The following CMSS1 variants were observed in gnomAD, a reference collection of about 807,000 sequenced individuals.
CMSS1 encodes cms1 ribosomal small subunit homolog, also known as protein CMSS1.
CMSS1 carries 33 observed loss-of-function variants against 43.5 expected under a neutral mutation model. That is an observed-to-expected ratio of 0.76 (90% CI 0.57 to 1.01). CMSS1 has a LOEUF of 1.01. Ranked by LOEUF, CMSS1 falls within the 50% of genes least tolerant of loss-of-function variation. The pLI, the probability that CMSS1 is intolerant of heterozygous loss-of-function variation, is 0.00. For synonymous variants in CMSS1, 115 were observed against 117.2 expected, an observed-to-expected ratio of 0.98 and a Z score of 0.12; for missense variants, 313 against 326.4, an observed-to-expected ratio of 0.96 and a Z score of 0.32.
intron 1 of CMSS1, among the ~76,000 whole-genome samples, chr3:100,068,949 G>A (rs1336930049): frequency 6.6e-6 from 1 of 152,184 alleles, no homozygotes; most frequent in African/African-American, 2.4e-5. Flanking sequence ...CCAGCAGGTG[G>A]CACTGTGAAA....
chr3:99,990,368 C>G (rs1002717127), intron 1 of CMSS1, among the ~76,000 whole-genome samples: 3 of 152,206 alleles, frequency 2.0e-5, no homozygotes, highest in African/African-American at 7.2e-5. Context: ...CGTTCAATCT[C>G]TCTATTCACA....
At chr3:100,131,909 T>C (rs923098759) in intron 1 of CMSS1, among the ~76,000 whole-genome samples, 2 of 152,216 alleles carry the variant, frequency 1.3e-5, no homozygotes, top group Admixed American at 1.3e-4. Context: ...AGCCCCACAT[T>C]ATACTCAACA....
chr3:99,972,254 A>G (rs1708844196), intron 1 of CMSS1, among the ~76,000 whole-genome samples: 1 of 152,206 alleles, frequency 6.6e-6, no homozygotes, highest in South Asian at 2.1e-4. Flanking sequence ...TTAGGTTGAA[A>G]TAAACTTGAC....
At chr3:99,930,109 G>T in intron 1 of CMSS1, 1 of 1,187,242 alleles carries the variant, frequency 8.4e-7, no homozygotes, top group Non-Finnish European at 1.2e-6. Context: ...ATAGTTGGCA[G>T]TGCTTTTTCT....
chr3:99,968,241 G>A (rs943562078), intron 1 of CMSS1, among the ~76,000 whole-genome samples: 2 of 152,124 alleles, frequency 1.3e-5, no homozygotes, highest in African/African-American at 4.8e-5. Flanking sequence ...ATGTTCATAC[G>A]CCCTCAGTGT....
chr3:100,021,958 T>TGAGAGAGAGA (rs1466622023), intron 1 of CMSS1, among the ~76,000 whole-genome samples: 2 of 94,880 alleles, frequency 2.1e-5, no homozygotes, highest in Non-Finnish European at 4.6e-5. Flanking sequence ...TGTGTGTGTG[T>TGAGAGAGAGA]GTGAGAGAGA....
In CMSS1 at chr3:100,123,263, G is replaced by A. The variant is rs573465793; in HGVS notation, c.65-23710G>A. 1.9e-4 allele frequency among the ~76,000 whole-genome samples: 29 copies of A among 152,288 alleles called. 2 individuals are homozygous for A. In the South Asian group the frequency reaches 5.2e-3, roughly 27 times the overall value. On this transcript the variant is annotated intron_variant, in intron 1 of 9. Transcript: ENST00000421999. ...ATGTGAAGGAGCTAGAGGAGGAAGC[G>A]TTCAGGTCTGAGAACAATAGGTGTG...
At chr3:99,963,766 C>T (rs750442952) in intron 1 of CMSS1, among the ~76,000 whole-genome samples, 8 of 151,960 alleles carry the variant, frequency 5.3e-5, no homozygotes, top group South Asian at 2.1e-4. Flanking sequence ...TACAGGCACA[C>T]GCCACCATGC....
intron 1 of CMSS1, among the ~76,000 whole-genome samples, chr3:99,947,652 A>G (rs1056059809): frequency 2.0e-5 from 3 of 152,352 alleles, no homozygotes; most frequent in South Asian, 2.1e-4. Flanking sequence ...ATCGCAACTC[A>G]TAATCATTAT....
intron 1 of CMSS1, chr3:99,876,125 C>T: frequency 1.0e-6 from 1 of 986,362 alleles, no homozygotes; most frequent in Non-Finnish European, 1.2e-6. Flanking sequence ...CGCTGTAGTG[C>T]CGCGCTGCGA....
At chr3:99,853,987 T>C (rs968894350) in intron 1 of CMSS1, among the ~76,000 whole-genome samples, 1 of 152,192 alleles carries the variant, frequency 6.6e-6, no homozygotes, top group African/African-American at 2.4e-5. Flanking sequence ...TGTTACACAT[T>C]GTGTGGTTGT....
chr3:99,879,400 C>T (rs1351474323), intron 1 of CMSS1, among the ~76,000 whole-genome samples: 2 of 152,196 alleles, frequency 1.3e-5, no homozygotes, highest in African/African-American at 4.8e-5. Context: ...AAGTCAGTTG[C>T]TACTGACCAT....
At chr3:99,858,837 G>C (rs530003170) in intron 1 of CMSS1, among the ~76,000 whole-genome samples, 4 of 152,218 alleles carry the variant, frequency 2.6e-5, no homozygotes, top group African/African-American at 9.6e-5. Flanking sequence ...TGAAACATCA[G>C]TGGCAAATTT....
chr3:99,984,404 G>T (rs1709270651), intron 1 of CMSS1, among the ~76,000 whole-genome samples: 1 of 152,156 alleles, frequency 6.6e-6, no homozygotes, highest in Non-Finnish European at 1.5e-5. Flanking sequence ...GCAGAAACAG[G>T]AGGCACCAGT....
At chr3:100,043,077 C>A (rs2065230751) in intron 1 of CMSS1, among the ~76,000 whole-genome samples, 1 of 152,180 alleles carries the variant, frequency 6.6e-6, no homozygotes, top group Non-Finnish European at 1.5e-5. Flanking sequence ...AGTGACAGAC[C>A]CCCTGAGCAG....
intron 1 of CMSS1, among the ~76,000 whole-genome samples, chr3:99,888,491 C>CAAACA (rs559726137): frequency 7.2e-5 from 11 of 152,116 alleles, no homozygotes; most frequent in Non-Finnish European, 1.0e-4. Context: ...CAGGCTACAA[C>CAAACA]AAACAAAACA....
At chr3:99,937,228 A>G (rs1157077853) in intron 1 of CMSS1, among the ~76,000 whole-genome samples, 2 of 152,148 alleles carry the variant, frequency 1.3e-5, no homozygotes, top group African/African-American at 4.8e-5. Flanking sequence ...ATGAGCCACC[A>G]TGCCCAGCCT....
intron 1 of CMSS1, among the ~76,000 whole-genome samples, chr3:100,049,008 A>G (rs2065324886): frequency 6.6e-6 from 1 of 152,238 alleles, no homozygotes; most frequent in African/African-American, 2.4e-5. Context: ...TCTTATATGA[A>G]TAAAAGAGTA....
intron 1 of CMSS1, among the ~76,000 whole-genome samples, chr3:100,001,679 T>C (rs1385469822): frequency 6.6e-6 from 1 of 152,158 alleles, no homozygotes; most frequent in African/African-American, 2.4e-5. Flanking sequence ...TTCTCTTCTT[T>C]CCTCTCCCAA....
Sources: gnomAD v4.1 joint callset for allele counts (sites outside exome capture counted in the v4.1 genomes callset) on GRCh38, gnomAD v4.1.1 for gene constraint, MANE v1.5 for transcripts, NCBI Gene and HGNC (gene_info 2026-07-23, HGNC 2026-07-21) for gene names.